Variants in HSD17B12 observed in about 807,000 individuals in gnomAD.
The protein encoded by HSD17B12 is very-long-chain 3-oxoacyl-CoA reductase.
A neutral mutation model predicts 39.3 loss-of-function variants in HSD17B12; 32 were observed. That is an observed-to-expected ratio of 0.81 (90% CI 0.61 to 1.09). The LOEUF (loss-of-function observed/expected upper bound fraction) is 1.09, where lower values mean the gene tolerates loss of function less well. Ranked by LOEUF, HSD17B12 falls within the 50% of genes least tolerant of loss-of-function variation. The pLI, the probability that HSD17B12 is intolerant of heterozygous loss-of-function variation, is 0.00. For missense variants in HSD17B12, 342 were observed against 382.9 expected (o/e 0.89, Z 0.89); for synonymous variants, 150 against 146.7 (o/e 1.02, Z -0.16).
At chr11:43,708,058 C>A (rs1342729216) in intron 1 of HSD17B12, among the ~76,000 whole-genome samples, 2 of 152,120 alleles carry the variant, frequency 1.3e-5, no homozygotes, top group Admixed American at 6.6e-5. Context: ...CCCAAAGGCC[C>A]CACCCGCAGA....
intron 4 of HSD17B12, among the ~76,000 whole-genome samples, chr11:43,807,896 C>A (rs894974353): frequency 6.6e-6 from 1 of 152,164 alleles, no homozygotes; most frequent in Non-Finnish European, 1.5e-5. Context: ...TGCCAGCCAC[C>A]ATGCTAATGA....
At chr11:43,664,497 T>G in the HSD17B12 span, among the ~76,000 whole-genome samples, 1 of 152,134 alleles carries the variant, frequency 6.6e-6, no homozygotes, top group Admixed American at 6.5e-5. Flanking sequence ...TTGGTGGGGG[T>G]CTGTGTTTCT....
intron 1 of HSD17B12, among the ~76,000 whole-genome samples, chr11:43,702,454 T>C (rs1244102540): frequency 6.6e-6 from 1 of 152,252 alleles, no homozygotes; most frequent in East Asian, 1.9e-4. Flanking sequence ...TGTATGATGC[T>C]GGCTGAGGGG....
intron 5 of HSD17B12, 39 bp downstream of exon 5, chr11:43,815,540 G>T (rs1260443194): frequency 8.2e-7 from 1 of 1,223,658 alleles, no homozygotes; most frequent in Non-Finnish European, 1.2e-6. Context: ...CAAAAATAAT[G>T]CATGCAGGTA....
chr11:43,805,621 G>A (rs1050781800), intron 4 of HSD17B12, among the ~76,000 whole-genome samples: 1 of 152,184 alleles, frequency 6.6e-6, no homozygotes, highest in Non-Finnish European at 1.5e-5. Context: ...ATAGGAAAGG[G>A]TTATAAGAGG....
In HSD17B12 at chr11:43,680,968, G is replaced by C; in HGVS notation, c.141G>C (p.Pro47=). The change falls in exon 1 of 11, where the codon CCG becomes CCC. Residue 47 remains proline (P), a synonymous_variant. Transcript: ENST00000278353. ...TGGGGAATGAGGCGGGGGTCGGCCC[G>C]GGGCTCGGAGAATGGGCAGGTGAGT... ...WGVGNEAGVG[P]GLGEWAVVTG... 1 of 1,605,722 alleles carries C rather than the reference G, an allele frequency of 6.2e-7. No homozygotes were observed.
At chr11:43,768,597 C>T (rs1470846809) in intron 3 of HSD17B12, among the ~76,000 whole-genome samples, 5 of 152,188 alleles carry the variant, frequency 3.3e-5, no homozygotes, top group Admixed American at 3.3e-4. Flanking sequence ...AGAATTTATT[C>T]CTTCTGGTGG....
At chr11:43,579,624 C>G in the HSD17B12 span, 1 of 152,184 alleles carries the variant, frequency 6.6e-6, no homozygotes, top group Non-Finnish European at 1.5e-5. Context: ...CCAGTTGCCC[C>G]GCGCCGCGGC....
chr11:43,847,472 A>G (rs1478828068), intron 9 of HSD17B12, among the ~76,000 whole-genome samples: 1 of 152,198 alleles, frequency 6.6e-6, no homozygotes, highest in Non-Finnish European at 1.5e-5. Flanking sequence ...TGGGAGGCCA[A>G]GGCAGGAGGG....
At chr11:43,802,545 T>C (rs1282584258) in intron 4 of HSD17B12, among the ~76,000 whole-genome samples, 2 of 152,204 alleles carry the variant, frequency 1.3e-5, no homozygotes, top group East Asian at 3.8e-4. Flanking sequence ...CTTGGCCATC[T>C]CTCAACCTCA....
At chr11:43,701,563 G>C (rs1025892467) in intron 1 of HSD17B12, among the ~76,000 whole-genome samples, 1 of 152,132 alleles carries the variant, frequency 6.6e-6, no homozygotes, top group African/African-American at 2.4e-5. Context: ...TAACTATCCA[G>C]TTTTCCTAGC....
intron 1 of HSD17B12, among the ~76,000 whole-genome samples, chr11:43,686,301 T>C (rs1949798158): frequency 1.3e-5 from 2 of 152,226 alleles, no homozygotes; most frequent in Admixed American, 6.5e-5. Flanking sequence ...TAGTCATAAA[T>C]GTTTTTGAAT....
chr11:43,759,031 AT>A (rs2134961062), intron 3 of HSD17B12, among the ~76,000 whole-genome samples: 1 of 152,322 alleles, frequency 6.6e-6, no homozygotes, highest in South Asian at 2.1e-4. Flanking sequence ...AAGTCACACA[AT>A]TTAGTTTAAC....
chr11:43,823,920 A>G (rs1951207447), intron 6 of HSD17B12, among the ~76,000 whole-genome samples: 1 of 152,200 alleles, frequency 6.6e-6, no homozygotes, highest in South Asian at 2.1e-4. Flanking sequence ...TGAATCTGCC[A>G]GAAGTGGAAG....
At chr11:43,738,672 A>G (rs1313036163) in intron 1 of HSD17B12, among the ~76,000 whole-genome samples, 1 of 152,202 alleles carries the variant, frequency 6.6e-6, no homozygotes, top group Non-Finnish European at 1.5e-5. Context: ...ATCCATTCAT[A>G]CAGTAAAACC....
At chr11:43,560,579 T>C in the HSD17B12 span, among the ~76,000 whole-genome samples, 1 of 152,204 alleles carries the variant, frequency 6.6e-6, no homozygotes, top group South Asian at 2.1e-4. Flanking sequence ...CTTTCCATTC[T>C]ACTTGCCCCG....
intron 1 of HSD17B12, among the ~76,000 whole-genome samples, chr11:43,742,264 A>T (rs973043924): frequency 6.6e-5 from 10 of 151,206 alleles, no homozygotes; most frequent in African/African-American, 2.2e-4. Context: ...CAGCTTCCCG[A>T]GTAGGTGGGA....
At chr11:43,781,676 C>G (rs1279335115) in intron 3 of HSD17B12, among the ~76,000 whole-genome samples, 2 of 152,104 alleles carry the variant, frequency 1.3e-5, no homozygotes, top group African/African-American at 4.8e-5. Context: ...CACACACACA[C>G]AGAATATTTT....
the HSD17B12 span, among the ~76,000 whole-genome samples, chr11:43,665,685 A>G: frequency 6.6e-6 from 1 of 152,182 alleles, no homozygotes; most frequent in African/African-American, 2.4e-5. Context: ...AGAATGGCCA[A>G]GGTCACACAA....
Sources: gnomAD v4.1 joint callset for allele counts (sites outside exome capture counted in the v4.1 genomes callset) on GRCh38, gnomAD v4.1.1 for gene constraint, MANE v1.5 for transcripts, NCBI Gene and HGNC (gene_info 2026-07-23, HGNC 2026-07-21) for gene names.